BRINP3: variants seen among roughly 807,000 people sequenced by gnomAD.
The protein encoded by BRINP3 is BMP/retinoic acid inducible neural specific 3, also known as BMP/retinoic acid-inducible neural-specific protein 3.
Under a neutral mutation model 71.0 loss-of-function variants are expected in BRINP3, and 19 were observed. The observed-to-expected ratio is 0.27, with a 90% CI of 0.19 to 0.39. The LOEUF (loss-of-function observed/expected upper bound fraction) is 0.39. BRINP3 is among the 10% of genes least tolerant of loss of function. BRINP3 has a pLI of 1.00. For synonymous variants in BRINP3, 380 were observed against 337.7 expected, an observed-to-expected ratio of 1.13 and a Z score of -1.37; for missense variants, 959 against 940.8, an observed-to-expected ratio of 1.02 and a Z score of -0.25.
intron 7 of BRINP3, among the ~76,000 whole-genome samples, chr1:190,137,221 C>A (rs371499186): frequency 8.0e-4 from 121 of 151,914 alleles, no homozygotes; most frequent in African/African-American, 2.7e-3. Context: ...AGGCCCAAGG[C>A]AATACAATTT....
chr1:190,175,705 A>G (rs951875647), intron 6 of BRINP3, among the ~76,000 whole-genome samples: 21 of 152,338 alleles, frequency 1.4e-4, no homozygotes, highest in African/African-American at 5.0e-4. Context: ...CATGAAAAGC[A>G]TAACAAACAG....
At chr1:190,206,901 A>G (rs1471520188) in intron 6 of BRINP3, among the ~76,000 whole-genome samples, 1 of 152,008 alleles carries the variant, frequency 6.6e-6, no homozygotes, top group East Asian at 1.9e-4. Context: ...AGGCTGACCT[A>G]GTAGAGGCAG....
chr1:190,358,546 A>G (rs549714112), intron 2 of BRINP3, among the ~76,000 whole-genome samples: 58 of 152,224 alleles, frequency 3.8e-4, no homozygotes, highest in African/African-American at 1.3e-3. Context: ...AAATAGGAAC[A>G]CTTTTACACT....
chr1:190,178,367 GT>G (rs935438796), intron 6 of BRINP3, among the ~76,000 whole-genome samples: 6 of 151,962 alleles, frequency 3.9e-5, no homozygotes, highest in Non-Finnish European at 8.8e-5. Context: ...ATTAGTTTAT[GT>G]TGTTATTATT....
At chr1:190,175,392 C>T (rs1652415204) in intron 6 of BRINP3, among the ~76,000 whole-genome samples, 1 of 151,906 alleles carries the variant, frequency 6.6e-6, no homozygotes, top group African/African-American at 2.4e-5. Flanking sequence ...TAGACTGGGG[C>T]ACAATAAAAA....
chr1:190,134,837 A>T (rs1654841362), intron 7 of BRINP3, among the ~76,000 whole-genome samples: 2 of 152,142 alleles, frequency 1.3e-5, no homozygotes, highest in East Asian at 1.9e-4. Context: ...GGTGTCACTG[A>T]TCCTACAGAG....
At chr1:190,204,716 TTG>T (rs1405357707) in intron 6 of BRINP3, among the ~76,000 whole-genome samples, 4 of 152,032 alleles carry the variant, frequency 2.6e-5, no homozygotes, top group Non-Finnish European at 4.4e-5. Context: ...ACATTAAATA[TTG>T]TGATACTATG....
In BRINP3 at chr1:190,231,157, T is replaced by C. The variant is rs188911072; in HGVS notation, c.724+3215A>G. ...ATATAATCAGCTTTTTGAAAACACA[T>C]GGCTTGAAGGACTTAATAGGACTTT... On this transcript the variant is annotated intron_variant, in intron 5 of 7. Transcript: ENST00000367462. Among the ~76,000 whole-genome samples the C allele has an allele frequency of 1.8e-3, 267 of 151,904 alleles. 5 individuals are homozygous for C. The highest frequency in any genetic ancestry group is 6.0e-3 in the African/African-American group (248 of 41,524).
chr1:190,335,249 A>G (rs758636247), intron 2 of BRINP3, among the ~76,000 whole-genome samples: 2 of 151,884 alleles, frequency 1.3e-5, no homozygotes, highest in Admixed American at 6.6e-5. Flanking sequence ...TTAAACAACT[A>G]GGACCACTAA....
intron 7 of BRINP3, among the ~76,000 whole-genome samples, chr1:190,145,852 C>G (rs1448856635): frequency 1.3e-5 from 2 of 152,078 alleles, no homozygotes; most frequent in African/African-American, 4.8e-5. Flanking sequence ...TACACACATA[C>G]CATGGAATAC....
At chr1:190,280,854 AT>A (rs1431983243) in intron 3 of BRINP3, among the ~76,000 whole-genome samples, 2 of 151,922 alleles carry the variant, frequency 1.3e-5, no homozygotes, top group African/African-American at 2.4e-5. Flanking sequence ...ATTCTGGGAT[AT>A]TTTTTAATTT....
At chr1:190,155,636 A>C (rs1656796140) in intron 7 of BRINP3, among the ~76,000 whole-genome samples, 1 of 152,044 alleles carries the variant, frequency 6.6e-6, no homozygotes, top group Admixed American at 6.6e-5. Context: ...CCCTACTCAA[A>C]TCTCACCTCG....
At chr1:190,101,258 T>G (rs1265156275) in intron 7 of BRINP3, among the ~76,000 whole-genome samples, 2 of 152,194 alleles carry the variant, frequency 1.3e-5, no homozygotes, top group African/African-American at 2.4e-5. Context: ...CTCCCAAAAG[T>G]ATGCCCAGTG....
At chr1:190,386,424 AT>A (rs1025928979) in intron 2 of BRINP3, among the ~76,000 whole-genome samples, 15 of 151,716 alleles carry the variant, frequency 9.9e-5, no homozygotes, top group African/African-American at 3.6e-4. Context: ...TTTTAAAAAA[AT>A]GTATATATTA....
intron 2 of BRINP3, among the ~76,000 whole-genome samples, chr1:190,314,337 A>T (rs1665738274): frequency 6.6e-6 from 1 of 151,982 alleles, no homozygotes; most frequent in South Asian, 2.1e-4. Context: ...CCTACATCCT[A>T]CTCCTTAGAA....
intron 7 of BRINP3, chr1:190,154,162 A>G (rs1483116255): frequency 6.2e-6 from 4 of 649,534 alleles, no homozygotes; most frequent in Middle Eastern, 7.8e-4. Context: ...CTTAAGAACC[A>G]ATTTAGGAGT....
intron 6 of BRINP3, among the ~76,000 whole-genome samples, chr1:190,170,761 A>G (rs1466496331): frequency 6.6e-6 from 1 of 152,214 alleles, no homozygotes. Flanking sequence ...ATGACTTACT[A>G]GTCAAAATAT....
At chr1:190,422,128 C>T (rs1038284880) in intron 2 of BRINP3, among the ~76,000 whole-genome samples, 4 of 151,610 alleles carry the variant, frequency 2.6e-5, no homozygotes, top group South Asian at 2.1e-4. Context: ...TACATCTCAG[C>T]CTTCTAATCT....
intron 2 of BRINP3, among the ~76,000 whole-genome samples, chr1:190,374,959 C>T (rs534199510): frequency 1.3e-5 from 2 of 151,912 alleles, no homozygotes; most frequent in East Asian, 3.9e-4. Context: ...AATTTAAGTA[C>T]TCAATAATTT....
Sources: gnomAD v4.1 joint callset for allele counts (sites outside exome capture counted in the v4.1 genomes callset) on GRCh38, gnomAD v4.1.1 for gene constraint, MANE v1.5 for transcripts, NCBI Gene and HGNC (gene_info 2026-07-23, HGNC 2026-07-21) for gene names.